The following TWIST2 variants were observed in gnomAD, a reference collection of about 807,000 sequenced individuals.
TWIST2 encodes twist family bHLH transcription factor 2.
A neutral mutation model predicts 11.6 loss-of-function variants in TWIST2; 1 was observed. The observed-to-expected ratio is 0.09, with a 90% CI of 0.03 to 0.41. TWIST2 has a LOEUF of 0.41. TWIST2 is among the 10% of genes least tolerant of loss of function. TWIST2 has a pLI of 0.98. For missense variants in TWIST2, 168 were observed against 226.4 expected, an observed-to-expected ratio of 0.74 and a Z score of 1.66; for synonymous variants, 87 against 96.6, an observed-to-expected ratio of 0.90 and a Z score of 0.58.
Position 238,848,744 on chromosome 2 carries a change from C to T in TWIST2, c.*35+11C>T, listed in dbSNP as rs1692181394. ...GACCGGCGCGCCAGGGTAGGTGCTG[C>T]GCGCGCGACGGGCGCCCTCCGCTGC... On this transcript the variant is annotated intron_variant, in intron 1 of 1. Transcript: ENST00000612363. The T allele has an allele frequency of 2.2e-6, 3 of 1,350,836 alleles. No homozygotes were observed. Among genetic ancestry groups the T allele is most frequent in the Middle Eastern group, 2.5e-4 (1 of 4,046 alleles). The allele number at this position is 1,350,836 out of a possible 1,614,324, so 83.7% of individuals were successfully genotyped here.
chr2:238,886,444 C>T (rs1024036042), intron 1 of TWIST2, among the ~76,000 whole-genome samples: 23 of 152,026 alleles, frequency 1.5e-4, no homozygotes, highest in Admixed American at 1.3e-3. Flanking sequence ...AGGGAGAATT[C>T]GAATTTCCTC....
chr2:238,852,148 A>C (rs1692252016), intron 1 of TWIST2, among the ~76,000 whole-genome samples: 1 of 152,222 alleles, frequency 6.6e-6, no homozygotes, highest in African/African-American at 2.4e-5. Flanking sequence ...AAAAAGAAAA[A>C]AAAACACCAC....
chr2:238,906,595 ACACT>A (rs1214276113), intron 1 of TWIST2, among the ~76,000 whole-genome samples: 117 of 151,956 alleles, frequency 7.7e-4, no homozygotes, highest in African/African-American at 1.4e-3. Flanking sequence ...ACATGGACAC[ACACT>A]CACTCTGGAC....
chr2:238,905,447 G>T (rs992612646), intron 1 of TWIST2, among the ~76,000 whole-genome samples: 3 of 152,100 alleles, frequency 2.0e-5, no homozygotes, highest in African/African-American at 7.2e-5. Context: ...ACATGGCTGG[G>T]GTCAGGGTGA....
intron 1 of TWIST2, among the ~76,000 whole-genome samples, chr2:238,865,128 T>A (rs1228661522): frequency 6.6e-6 from 1 of 152,170 alleles, no homozygotes; most frequent in Non-Finnish European, 1.5e-5. Context: ...AATGGTCCAG[T>A]GAGCTGGGTG....
chr2:238,858,406 T>G (rs979287860), intron 1 of TWIST2, among the ~76,000 whole-genome samples: 7 of 152,206 alleles, frequency 4.6e-5, no homozygotes, highest in Admixed American at 1.3e-4. Flanking sequence ...GAGGTGGTAT[T>G]TTTCTAATTT....
At chr2:238,901,443 C>G (rs36169106) in intron 1 of TWIST2, among the ~76,000 whole-genome samples, 1 of 152,270 alleles carries the variant, frequency 6.6e-6, no homozygotes, top group Non-Finnish European at 1.5e-5. Flanking sequence ...GCAGACAATT[C>G]TGGTTTTCTC....
intron 1 of TWIST2, among the ~76,000 whole-genome samples, chr2:238,902,416 GTGTGA>G (rs1362957033): frequency 2.6e-5 from 4 of 151,582 alleles, no homozygotes; most frequent in East Asian, 1.9e-4. Context: ...CAGGGTGTGT[GTGTGA>G]TGTGATAAGT....
chr2:238,853,281 C>T (rs1229656686), intron 1 of TWIST2, among the ~76,000 whole-genome samples: 2 of 151,810 alleles, frequency 1.3e-5, no homozygotes, highest in Non-Finnish European at 2.9e-5. Context: ...ATTCTAAAGC[C>T]AATGATTTAT....
At chr2:238,884,156 G>A (rs376640118) in intron 1 of TWIST2, among the ~76,000 whole-genome samples, 4 of 152,210 alleles carry the variant, frequency 2.6e-5, no homozygotes, top group Admixed American at 2.0e-4. Context: ...CAATGGGGCC[G>A]GCACTTACAA....
chr2:238,908,932 TTGTG>T (rs1693403205), intron 1 of TWIST2, among the ~76,000 whole-genome samples: 34 of 151,324 alleles, frequency 2.2e-4, no homozygotes, highest in African/African-American at 7.3e-4. Context: ...TGTGGTGTGT[TTGTG>T]TGTGTGGTAT....
intron 1 of TWIST2, among the ~76,000 whole-genome samples, chr2:238,853,130 G>C (rs1405300082): frequency 1.3e-5 from 2 of 151,966 alleles, no homozygotes; most frequent in African/African-American, 4.8e-5. Flanking sequence ...AATTATAATA[G>C]CAATACATTT....
chr2:238,865,530 A>C (rs1003204485), intron 1 of TWIST2, among the ~76,000 whole-genome samples: 1 of 152,162 alleles, frequency 6.6e-6, no homozygotes, highest in African/African-American at 2.4e-5. Flanking sequence ...CAGCCTGGGC[A>C]CAGAAGCCTC....
At chr2:238,890,910 G>A (rs1213629264) in intron 1 of TWIST2, among the ~76,000 whole-genome samples, 2 of 152,012 alleles carry the variant, frequency 1.3e-5, no homozygotes, top group African/African-American at 4.8e-5. Context: ...TGAGACACTC[G>A]ACTCCTTAAA....
rs1692555252 is a variant in TWIST2, at chr2:238,867,195, C to T, written c.*35+18462C>T. Among the ~76,000 whole-genome samples, 1 of 151,930 alleles carries T rather than the reference C, an allele frequency of 6.6e-6. No individual in the cohort carries two copies. Among genetic ancestry groups the T allele is most frequent in the South Asian group, 2.1e-4 (1 of 4,810 alleles). On this transcript the variant is annotated intron_variant, in intron 1 of 1. Coordinates refer to ENST00000612363, the MANE Select transcript of TWIST2 (RefSeq NM_001271893.4). This position sits in a 1 kb window ranked among gnomAD's most constrained non-coding sequence, Gnocchi z 4.8. ...GCTGGCTGTAACATTGGAGGGGCCA[C>T]AACCCCCGAATTTCTTCTGCAGAAG...
At chr2:238,878,996 G>A (rs1692856755) in intron 1 of TWIST2, among the ~76,000 whole-genome samples, 2 of 152,252 alleles carry the variant, frequency 1.3e-5, no homozygotes, top group African/African-American at 4.8e-5. Flanking sequence ...GATGAAAAGT[G>A]AGACCATAGT....
At chr2:238,906,950 C>T (rs1693363986) in intron 1 of TWIST2, among the ~76,000 whole-genome samples, 1 of 152,246 alleles carries the variant, frequency 6.6e-6, no homozygotes, top group African/African-American at 2.4e-5. Flanking sequence ...GCGAGCTCTG[C>T]AGGTCAACTG....
chr2:238,899,031 T>A (rs1421157292), intron 1 of TWIST2, among the ~76,000 whole-genome samples: 1 of 152,254 alleles, frequency 6.6e-6, no homozygotes, highest in Non-Finnish European at 1.5e-5. Flanking sequence ...TGTGCCCTGC[T>A]GCCCTCCGGC....
At chr2:238,856,610 A>G (rs1043173667) in intron 1 of TWIST2, among the ~76,000 whole-genome samples, 1 of 152,180 alleles carries the variant, frequency 6.6e-6, no homozygotes, top group African/African-American at 2.4e-5. Context: ...AGAATTTCAC[A>G]AGGGATCAGG....
Sources: allele counts gnomAD v4.1 joint callset (sites outside exome capture counted in the v4.1 genomes callset), GRCh38; gene constraint gnomAD v4.1.1; non-coding constraint Gnocchi (gnomAD v3.1); transcripts MANE v1.5; gene names NCBI Gene and HGNC (gene_info 2026-07-23, HGNC 2026-07-21).